CPNE5: variants seen among roughly 807,000 people sequenced by gnomAD.
The protein encoded by CPNE5 is copine 5.
In CPNE5, 42 loss-of-function variants were observed where a neutral mutation model predicts 81.1. That is an observed-to-expected ratio of 0.52 (90% CI 0.40 to 0.67). The LOEUF is 0.67. Among genes scored for constraint, CPNE5 ranks in the 30% least tolerant of loss-of-function variants. The probability of loss-of-function intolerance (pLI) is 0.00; values close to 1 mark genes in which losing one functional copy is unlikely to be tolerated. For missense variants in CPNE5, 612 were observed against 815.5 expected, an observed-to-expected ratio of 0.75 and a Z score of 3.04; for synonymous variants, 313 against 321.5, an observed-to-expected ratio of 0.97 and a Z score of 0.28.
At chr6:36,762,432 C>T (rs754865678) in intron 12 of CPNE5, among the ~76,000 whole-genome samples, 14 of 152,056 alleles carry the variant, frequency 9.2e-5, no homozygotes, top group East Asian at 1.9e-4. Context: ...GTGCCTTGTC[C>T]GAGGCTCTCC....
At chr6:36,760,835 C>CT (rs1296273050) in intron 12 of CPNE5, among the ~76,000 whole-genome samples, 2 of 152,156 alleles carry the variant, frequency 1.3e-5, no homozygotes, top group African/African-American at 2.4e-5. Context: ...AGGCACAGGT[C>CT]TTTACTGGCT....
At chr6:36,744,493 T>C in intron 18 of CPNE5, 168 bp from the exon 19 acceptor site, 1 of 630,094 alleles carries the variant, frequency 1.6e-6, no homozygotes, top group Non-Finnish European at 2.9e-6. Flanking sequence ...GGGAGGGCAC[T>C]CAGAGATAAA....
At chr6:36,748,564 CT>C (rs768326593) in intron 14 of CPNE5, among the ~76,000 whole-genome samples, 22 of 152,166 alleles carry the variant, frequency 1.4e-4, no homozygotes, top group Non-Finnish European at 2.5e-4. Flanking sequence ...ACCCTACCCC[CT>C]GGGCCCACCT....
chr6:36,797,750 T>A (rs1001789066), intron 6 of CPNE5, among the ~76,000 whole-genome samples: 3 of 152,188 alleles, frequency 2.0e-5, no homozygotes, highest in Non-Finnish European at 2.9e-5. Context: ...GCCTACAAGC[T>A]GTGAACAATC....
intron 6 of CPNE5, 46 bp downstream of exon 6, chr6:36,798,119 G>A (rs775161657): frequency 6.8e-7 from 1 of 1,477,376 alleles, no homozygotes; most frequent in East Asian, 2.3e-5. Context: ...CCAGCAGAAT[G>A]GGCGGGAAGT....
chr6:36,760,692 G>T (rs1765937603), intron 12 of CPNE5, among the ~76,000 whole-genome samples: 1 of 152,112 alleles, frequency 6.6e-6, no homozygotes, highest in South Asian at 2.1e-4. Flanking sequence ...TTGAGATGAA[G>T]CCGGCTCGCC....
At chr6:36,769,714 C>T (rs1562117325) in intron 10 of CPNE5, among the ~76,000 whole-genome samples, 1 of 152,160 alleles carries the variant, frequency 6.6e-6, no homozygotes, top group Non-Finnish European at 1.5e-5. Flanking sequence ...GGCAGTGCCG[C>T]GGTGACCGTG....
intron 6 of CPNE5, among the ~76,000 whole-genome samples, chr6:36,796,264 G>A (rs1218708057): frequency 6.6e-6 from 1 of 152,170 alleles, no homozygotes; most frequent in East Asian, 1.9e-4. Flanking sequence ...CTATATTTTA[G>A]AACTTGCTTG....
chr6:36,798,822 G>A (rs1027491344), intron 4 of CPNE5, among the ~76,000 whole-genome samples: 66 of 152,252 alleles, frequency 4.3e-4, no homozygotes, highest in African/African-American at 1.5e-3. Flanking sequence ...GTTCACAGGT[G>A]GCTAAGCCAT....
intron 3 of CPNE5, among the ~76,000 whole-genome samples, chr6:36,802,508 G>A (rs1289139062): frequency 6.6e-6 from 1 of 152,150 alleles, no homozygotes; most frequent in African/African-American, 2.4e-5. Flanking sequence ...CATGAAGGCA[G>A]GGGTGCTGTT....
intron 1 of CPNE5, among the ~76,000 whole-genome samples, chr6:36,831,478 C>T (rs924682552): frequency 5.3e-5 from 8 of 151,384 alleles, no homozygotes; most frequent in African/African-American, 1.9e-4. Context: ...CTCAGCTTCT[C>T]GAGTAGCTGG....
chr6:36,811,819 T>G (rs1427916343), intron 3 of CPNE5, among the ~76,000 whole-genome samples: 1 of 151,362 alleles, frequency 6.6e-6, no homozygotes, highest in African/African-American at 2.4e-5. Flanking sequence ...AAAGCACACT[T>G]TGGGCTGGGC....
chr6:36,745,943 G>C (rs9470386), intron 16 of CPNE5, among the ~76,000 whole-genome samples: 60 of 151,960 alleles, frequency 3.9e-4, no homozygotes, highest in Admixed American at 1.2e-3. Flanking sequence ...TCCCCAGCTC[G>C]TGGGAGCCAG....
chr6:36,765,520 TGA>T (rs1766484102), intron 10 of CPNE5, 144 bp from the exon 11 acceptor site: 5 of 884,456 alleles, frequency 5.7e-6, no homozygotes, highest in Non-Finnish European at 8.7e-6. Context: ...GGCAGCGGCT[TGA>T]GAGACAAGGA....
Position 36,839,344 on chromosome 6 carries a change from C to T in CPNE5, c.34G>A (p.Glu12Lys), listed in dbSNP as rs929927086. ...EQPEDMASLSEFDSLAGSIPA... is the reference protein window; with the variant it reads ...EQPEDMASLSKFDSLAGSIPA... ...ATGCTGCCCGCCAAGGAGTCGAACT[C>T]GCTCAGCGACGCCATGTCCTCAGGC... Residue 12 changes from glutamate (E) to lysine (K), a missense_variant, in exon 1 of 21, where the codon GAG becomes AAG. By Grantham distance (56) the Glu-to-Lys change is moderately conservative. Transcript: ENST00000244751. The surrounding 1 kb of genome is among the most constrained non-coding windows in gnomAD (Gnocchi z 7.3). 7.1e-6 allele frequency: 11 copies of T among 1,553,604 alleles called. No homozygotes were observed. The Admixed American group carries it at 1.5e-4, about 22-fold the overall frequency.
chr6:36,839,912 C>A (rs909861879), upstream of CPNE5: 4 of 151,330 alleles, frequency 2.6e-5, no homozygotes, highest in Admixed American at 2.0e-4. This position sits in a 1 kb window ranked among gnomAD's most constrained non-coding sequence, Gnocchi z 7.3. Context: ...GCGCCGGCGG[C>A]GACGGGGCTG....
At chr6:36,767,263 C>T (rs1174125833) in intron 10 of CPNE5, among the ~76,000 whole-genome samples, 2 of 152,190 alleles carry the variant, frequency 1.3e-5, no homozygotes, top group African/African-American at 2.4e-5. Flanking sequence ...AAATCAGTGG[C>T]AGCTTTTCAG....
At chr6:36,757,434 G>T in intron 12 of CPNE5, 1 of 920,348 alleles carries the variant, frequency 1.1e-6, no homozygotes, top group Non-Finnish European at 1.3e-6. Flanking sequence ...CTAAAGCACA[G>T]CGACACCAGG....
chr6:36,743,462 G>T (rs545076149), intron 20 of CPNE5, among the ~76,000 whole-genome samples: 2 of 152,194 alleles, frequency 1.3e-5, no homozygotes, highest in South Asian at 4.1e-4. Context: ...CTGGGCACCC[G>T]CAATGTTAGG....
Sources: gnomAD v4.1 joint callset for allele counts (sites outside exome capture counted in the v4.1 genomes callset) on GRCh38, gnomAD v4.1.1 for gene constraint, Gnocchi (gnomAD v3.1) non-coding constraint, MANE v1.5 for transcripts, NCBI Gene and HGNC (gene_info 2026-07-23, HGNC 2026-07-21) for gene names.